The following MFN1 variants were observed in gnomAD, a reference collection of about 807,000 sequenced individuals.
MFN1 encodes the protein mitofusin-1.
Under a neutral mutation model 92.4 loss-of-function variants are expected in MFN1, and 65 were observed. The observed-to-expected ratio is 0.70, with a 90% CI of 0.58 to 0.86. MFN1 has a LOEUF of 0.86. MFN1 is among the 40% of genes least tolerant of loss of function. The probability of loss-of-function intolerance (pLI) is 0.00; values close to 1 mark genes in which losing one functional copy is unlikely to be tolerated. For missense variants in MFN1, 781 were observed against 868.0 expected (o/e 0.90, Z 1.26); for synonymous variants, 297 against 300.9 (o/e 0.99, Z 0.13).
chr3:179,358,150 G>GTTTTTTTTTTTTTT (rs771740459), intron 3 of MFN1, among the ~76,000 whole-genome samples: 4 of 119,712 alleles, frequency 3.3e-5, no homozygotes, highest in Non-Finnish European at 5.0e-5. Context: ...CACTCATTTT[G>GTTTTTTTTTTTTTT]TTTTTTTTTT....
intron 10 of MFN1, 133 bp downstream of exon 10, chr3:179,375,474 A>G: frequency 9.5e-7 from 1 of 1,053,906 alleles, no homozygotes. Flanking sequence ...ACTGATGCCT[A>G]CTTCTATATT....
intron 13 of MFN1, 21 bp downstream of exon 13, chr3:179,378,464 G>T (rs1354550479): frequency 1.9e-6 from 3 of 1,569,440 alleles, no homozygotes; most frequent in South Asian, 1.2e-5. Context: ...TGTCTACAAG[G>T]TCATGTCTGG....
chr3:179,349,870 G>A (rs967415596), intron 2 of MFN1, among the ~76,000 whole-genome samples: 3 of 151,778 alleles, frequency 2.0e-5, no homozygotes, highest in African/African-American at 7.3e-5. Context: ...TGTACCTCTC[G>A]GCCAGGCGCC....
At chr3:179,379,994 C>T (rs112131473) in intron 14 of MFN1, among the ~76,000 whole-genome samples, 5 of 152,204 alleles carry the variant, frequency 3.3e-5, no homozygotes, top group African/African-American at 1.2e-4. Flanking sequence ...ATCAGCATTG[C>T]AGTGAACACG....
rs1272145983 is a variant in MFN1, at chr3:179,377,368, A to G, written c.1249A>G (p.Ile417Val). Residue 417 changes from isoleucine (I) to valine (V), a missense_variant, in exon 12 of 18, where the codon ATT becomes GTT. Transcript: ENST00000471841. Reference protein sequence around the residue: ...NKVSCAMTDEICRLSVLVDEF... With the variant: ...NKVSCAMTDEVCRLSVLVDEF... ...GGTTTCATGTGCAATGACAGATGAA[A>G]TTTGTCGACTGTCTGTTTTGGTTGA... The G allele has an allele frequency of 6.2e-7, 1 of 1,609,186 alleles. No individual in the cohort carries two copies. The highest frequency in any genetic ancestry group is 1.7e-5 in the Admixed American group (1 of 59,764).
chr3:179,392,529 T>G lies in MFN1; in HGVS notation c.*470T>G, dbSNP rs1203667088. 6.6e-6 allele frequency: 1 copy of G among 152,416 alleles called. No homozygotes were observed. The highest frequency in any genetic ancestry group is 1.5e-5 in the Non-Finnish European group (1 of 68,200). 9.4% of individuals were successfully genotyped at this position (152,416 alleles called of 1,614,324 possible). A position where few individuals can be genotyped will look rare whatever the true frequency, so the allele number is the denominator to read the frequency against. Reference sequence around the variant, plus strand: ...GTGGAATGTCCTTGAGTGTATTATTTATGCAAGTCACAGTCACGTTGCCAT... The same window carrying G: ...GTGGAATGTCCTTGAGTGTATTATTGATGCAAGTCACAGTCACGTTGCCAT... On this transcript the variant is annotated 3_prime_UTR_variant, in exon 18 of 18. Transcript: ENST00000471841.
chr3:179,352,226 T>C (rs923182966), intron 3 of MFN1, among the ~76,000 whole-genome samples, 191 bp downstream of exon 3: 1 of 152,222 alleles, frequency 6.6e-6, no homozygotes, highest in African/African-American at 2.4e-5. Context: ...TTTATGAAAG[T>C]CAATCATATT....
intron 17 of MFN1, among the ~76,000 whole-genome samples, chr3:179,390,730 C>T (rs1713868300): frequency 6.6e-6 from 1 of 152,154 alleles, no homozygotes; most frequent in Admixed American, 6.5e-5. Flanking sequence ...TTTGCTTACC[C>T]ATTAGCTGGC....
At position 179,378,666 on chromosome 3, in the gene MFN1, A is replaced by G. The variant is rs1347675549; in HGVS notation, c.1514A>G (p.Tyr505Cys). 9.3e-6 allele frequency: 15 copies of G among 1,613,786 alleles called. No homozygotes were observed. The highest frequency in any genetic ancestry group is 2.2e-5 in the East Asian group (1 of 44,878). Reference protein sequence around the residue: ...LIPCKKFDLSYNLNYHKLCSD... With the variant: ...LIPCKKFDLSCNLNYHKLCSD... Reference sequence around the variant, plus strand: ...CCTTGCAAGAAATTTGATCTCAGTTATAATCTAAATTACCACAAGTTATGT... The same window carrying G: ...CCTTGCAAGAAATTTGATCTCAGTTGTAATCTAAATTACCACAAGTTATGT... The change falls in exon 14 of 18, where the codon TAT (tyrosine) becomes TGT (cysteine). Residue 505 changes from tyrosine to cysteine, a missense_variant. Transcript: ENST00000471841.
rs764850366 is a variant in MFN1, at chr3:179,393,142, A to G, written c.*1083A>G. The G allele has an allele frequency of 6.6e-5, 10 of 152,188 alleles. No individual in the cohort carries two copies. Among genetic ancestry groups the G allele is most frequent in the Non-Finnish European group, 1.5e-4 (10 of 68,030 alleles). 9.4% of individuals were successfully genotyped at this position (152,188 alleles called of 1,614,324 possible). A position where few individuals can be genotyped will look rare whatever the true frequency, so the allele number is the denominator to read the frequency against. On this transcript the variant is annotated 3_prime_UTR_variant, in exon 18 of 18. Transcript: ENST00000471841. ...CTGATCCATAAATATAACATTTACA[A>G]AATTCTTCCTTGAGCTGGTGGAAAT...
rs1211530223 is a variant in MFN1, at chr3:179,351,902, A to C, written c.115A>C (p.Thr39Pro). The C allele has an allele frequency of 6.3e-7, 1 of 1,598,984 alleles. No individual in the cohort carries two copies. The highest frequency in any genetic ancestry group is 8.5e-7 in the Non-Finnish European group (1 of 1,169,810). ...CTAATGCCATTTCAATTTTGCAGCA[A>C]CATATAAGAATCCGGAACTTGATCG... Reference protein sequence around the residue: ...VTEGSHFVEATYKNPELDRIA... With the variant: ...VTEGSHFVEAPYKNPELDRIA... The change falls in exon 3 of 18, where the codon ACA (threonine) becomes CCA (proline). Residue 39 changes from threonine to proline, a missense_variant and splice_region_variant. Physicochemically the swap from Thr to Pro is conservative, Grantham distance 38. Transcript: ENST00000471841.
chr3:179,354,148 C>G (rs1003387119), intron 3 of MFN1, among the ~76,000 whole-genome samples: 1 of 152,088 alleles, frequency 6.6e-6, no homozygotes, highest in Non-Finnish European at 1.5e-5. Flanking sequence ...AAGGAAGAGC[C>G]TCCTGGGAAG....
intron 9 of MFN1, among the ~76,000 whole-genome samples, chr3:179,371,229 G>A (rs932733296): frequency 6.6e-6 from 1 of 152,124 alleles, no homozygotes; most frequent in Admixed American, 6.6e-5. Context: ...TATTAGCCTG[G>A]GCATTGGTGG....
At chr3:179,356,351 G>A (rs1193492699) in intron 3 of MFN1, among the ~76,000 whole-genome samples, 1 of 152,222 alleles carries the variant, frequency 6.6e-6, no homozygotes, top group Non-Finnish European at 1.5e-5. Context: ...GTTACGCTGG[G>A]AGAGTGGCAT....
At chr3:179,385,764 G>C in intron 15 of MFN1, 43 bp downstream of exon 15, 3 of 1,575,782 alleles carry the variant, frequency 1.9e-6, no homozygotes, top group Non-Finnish European at 2.6e-6. Context: ...CGAAATGTTT[G>C]CAAGGCTGCC....
At chr3:179,377,567 G>A in intron 12 of MFN1, 119 bp downstream of exon 12, 8 of 575,766 alleles carry the variant, frequency 1.4e-5, no homozygotes, top group Non-Finnish European at 1.8e-5. Flanking sequence ...TAGATCTCTT[G>A]TGCCCTCTTG....
chr3:179,385,692 T>G lies in MFN1; in HGVS notation c.1786T>G (p.Ser596Ala), dbSNP rs772660797. ...ATTGGCGTCCGTTACATCTAGAACT[T>G]CTATGGGCATCATTATTGTTGGAGG... ...TGLASVTSRTSMGIIIVGGVI... is the reference protein window; with the variant it reads ...TGLASVTSRTAMGIIIVGGVI... The change falls in exon 15 of 18, where the codon TCT becomes GCT. Residue 596 changes from serine (S) to alanine (A), a missense_variant. Transcript: ENST00000471841. 3.1e-6 allele frequency: 5 copies of G among 1,613,236 alleles called. No individual in the cohort carries two copies. In the South Asian group the frequency reaches 5.5e-5, roughly 18 times the overall value.
At chr3:179,354,321 C>G (rs939191288) in intron 3 of MFN1, among the ~76,000 whole-genome samples, 1 of 152,194 alleles carries the variant, frequency 6.6e-6, no homozygotes, top group African/African-American at 2.4e-5. Context: ...TGTTACGAAA[C>G]AATAGCAAAA....
In MFN1 at chr3:179,367,419, T is replaced by C. The variant is rs1272663994; in HGVS notation, c.754-20T>C. On this transcript the variant is annotated intron_variant, in intron 7 of 17. Coordinates refer to ENST00000471841, the MANE Select transcript of MFN1 (RefSeq NM_033540.3). ...TTTGTTTAAATTATTAGAATTCTTT[T>C]AATACCGTTTTCTCTGTAGGTACGC... 6.3e-7 allele frequency: 1 copy of C among 1,589,638 alleles called. No homozygotes were observed. Among genetic ancestry groups the C allele is most frequent in the Non-Finnish European group, 8.5e-7 (1 of 1,171,752 alleles).
Sources: allele counts gnomAD v4.1 joint callset (sites outside exome capture counted in the v4.1 genomes callset), GRCh38; gene constraint gnomAD v4.1.1; transcripts MANE v1.5; gene names NCBI Gene and HGNC (gene_info 2026-07-23, HGNC 2026-07-21).